Variants in PLPPR1 observed in about 807,000 individuals in gnomAD.
The protein encoded by PLPPR1 is phospholipid phosphatase-related protein type 1.
PLPPR1 carries 10 observed loss-of-function variants against 33.1 expected under a neutral mutation model. The observed-to-expected ratio is 0.30, with a 90% CI of 0.19 to 0.51. PLPPR1 has a LOEUF of 0.51. Among genes scored for constraint, PLPPR1 ranks in the 20% least tolerant of loss-of-function variants. The pLI, the probability that PLPPR1 is intolerant of heterozygous loss-of-function variation, is 0.97. For synonymous variants in PLPPR1, 151 were observed against 151.0 expected (o/e 1.00, Z 0.00); for missense variants, 304 against 408.1 (o/e 0.74, Z 2.20).
At chr9:101,218,867 G>C (rs1826862191) in intron 2 of PLPPR1, among the ~76,000 whole-genome samples, 1 of 152,152 alleles carries the variant, frequency 6.6e-6, no homozygotes, top group Non-Finnish European at 1.5e-5. Context: ...TTACTGGAAT[G>C]CTTTCAAATA....
At chr9:101,224,741 G>C (rs935044898) in intron 2 of PLPPR1, among the ~76,000 whole-genome samples, 2 of 152,098 alleles carry the variant, frequency 1.3e-5, no homozygotes, top group Non-Finnish European at 2.9e-5. Context: ...TTTTCTCTGG[G>C]TACTCTACCT....
At chr9:101,319,858 GTC>G (rs1362563389) in intron 7 of PLPPR1, among the ~76,000 whole-genome samples, 3 of 152,252 alleles carry the variant, frequency 2.0e-5, no homozygotes, top group East Asian at 3.9e-4. Flanking sequence ...AGACATACCA[GTC>G]TCTGTGTCCT....
At chr9:101,142,747 T>A (rs1017992737) in intron 1 of PLPPR1, among the ~76,000 whole-genome samples, 4 of 151,226 alleles carry the variant, frequency 2.6e-5, no homozygotes, top group African/African-American at 9.7e-5. Flanking sequence ...CTGCTGCTGC[T>A]TTTTTTTTCC....
At chr9:101,233,111 A>G (rs1827224421) in intron 2 of PLPPR1, among the ~76,000 whole-genome samples, 2 of 151,944 alleles carry the variant, frequency 1.3e-5, no homozygotes, top group Admixed American at 1.3e-4. Flanking sequence ...TTCAAAGGAC[A>G]TTTAGATTAA....
At chr9:101,300,115 G>A (rs957787952) in intron 4 of PLPPR1, among the ~76,000 whole-genome samples, 12 of 152,162 alleles carry the variant, frequency 7.9e-5, no homozygotes, top group African/African-American at 2.9e-4. Flanking sequence ...TTAGTAAAGT[G>A]TAGTTTCAAA....
chr9:101,090,654 T>A (rs1588023744), intron 1 of PLPPR1, among the ~76,000 whole-genome samples: 1 of 152,094 alleles, frequency 6.6e-6, no homozygotes, highest in African/African-American at 2.4e-5. Context: ...GGAGGCGGAG[T>A]TTGCAGTGAG....
At chr9:101,159,291 C>G (rs977293966) in intron 1 of PLPPR1, among the ~76,000 whole-genome samples, 1 of 152,144 alleles carries the variant, frequency 6.6e-6, no homozygotes, top group Non-Finnish European at 1.5e-5. Flanking sequence ...AGGCATTGGC[C>G]TCAAATTTAT....
chr9:101,313,116 C>A, intron 6 of PLPPR1, 142 bp downstream of exon 6: 1 of 740,920 alleles, frequency 1.3e-6, no homozygotes, highest in Non-Finnish European at 2.2e-6. Context: ...ATTATACATG[C>A]TTTTGCTACA....
At chr9:101,162,441 A>T (rs1314877724) in intron 1 of PLPPR1, among the ~76,000 whole-genome samples, 1 of 152,222 alleles carries the variant, frequency 6.6e-6, no homozygotes, top group Non-Finnish European at 1.5e-5. Flanking sequence ...CAAAGCAGTG[A>T]CAAAAGTGAC....
At chr9:101,116,504 G>A (rs1390146280) in intron 1 of PLPPR1, among the ~76,000 whole-genome samples, 1 of 152,114 alleles carries the variant, frequency 6.6e-6, no homozygotes, top group East Asian at 1.9e-4. Context: ...TATTGCTGTT[G>A]TACTCTTTGT....
chr9:101,056,434 A>T (rs543143900), intron 1 of PLPPR1, among the ~76,000 whole-genome samples: 1 of 152,262 alleles, frequency 6.6e-6, no homozygotes, highest in East Asian at 1.9e-4. Flanking sequence ...TTAAAAAAAA[A>T]ATCAAAGAGA....
chr9:101,306,248 C>T (rs916480862), intron 4 of PLPPR1, among the ~76,000 whole-genome samples: 2 of 152,242 alleles, frequency 1.3e-5, no homozygotes, highest in Admixed American at 6.5e-5. Context: ...AGCAGGAACA[C>T]GATGCCCTTT....
intron 3 of PLPPR1, among the ~76,000 whole-genome samples, chr9:101,277,015 A>G (rs1828209074): frequency 6.6e-6 from 1 of 152,220 alleles, no homozygotes. Context: ...GGGGTTATCA[A>G]TGTGACAGCA....
intron 1 of PLPPR1, among the ~76,000 whole-genome samples, chr9:101,113,423 AT>A (rs1831081138): frequency 6.6e-6 from 1 of 152,174 alleles, no homozygotes; most frequent in Non-Finnish European, 1.5e-5. Flanking sequence ...TATAACTATT[AT>A]TTATGTTTTT....
At chr9:101,170,623 G>A (rs1459009101) in intron 1 of PLPPR1, among the ~76,000 whole-genome samples, 1 of 152,162 alleles carries the variant, frequency 6.6e-6, no homozygotes, top group Non-Finnish European at 1.5e-5. Context: ...CTGAGAAGGT[G>A]GCAAAACTTT....
At position 101,149,547 on chromosome 9, in the gene PLPPR1, A is replaced by G. The variant is rs73656172; in HGVS notation, c.-45-35903A>G. ...CACTAGAGGTGGCTAGACAATGAGAATAGTTTGGCTGGTTATAAAATTCTC... is the reference window on the plus strand; with the variant it reads ...CACTAGAGGTGGCTAGACAATGAGAGTAGTTTGGCTGGTTATAAAATTCTC... On this transcript the variant is annotated intron_variant, in intron 1 of 7. Transcript: ENST00000374874. Among the ~76,000 whole-genome samples the G allele has an allele frequency of 7.4e-3, 1,122 of 152,282 alleles. 18 individuals carry two copies. The highest frequency in any genetic ancestry group is 0.025 in the African/African-American group (1,032 of 41,546).
chr9:101,117,062 C>G (rs957908300), intron 1 of PLPPR1, among the ~76,000 whole-genome samples: 4 of 152,026 alleles, frequency 2.6e-5, no homozygotes, highest in African/African-American at 9.7e-5. Context: ...ATCTTCATCC[C>G]TCTGCAACCC....
chr9:101,215,019 T>G (rs1162228382), intron 2 of PLPPR1, among the ~76,000 whole-genome samples: 2 of 131,158 alleles, frequency 1.5e-5, no homozygotes, highest in Non-Finnish European at 3.2e-5. Flanking sequence ...TAAGACTCCA[T>G]GAAATTAAAA....
chr9:101,279,668 G>A (rs1401278861), intron 3 of PLPPR1, among the ~76,000 whole-genome samples: 1 of 152,034 alleles, frequency 6.6e-6, no homozygotes, highest in African/African-American at 2.4e-5. Flanking sequence ...GAGGAATGTT[G>A]GAAACTATAC....
Sources: gnomAD v4.1 joint callset for allele counts (sites outside exome capture counted in the v4.1 genomes callset) on GRCh38, gnomAD v4.1.1 for gene constraint, MANE v1.5 for transcripts, NCBI Gene and HGNC (gene_info 2026-07-23, HGNC 2026-07-21) for gene names.